GRM7: variants seen among roughly 807,000 people sequenced by gnomAD.
GRM7 encodes the protein glutamate metabotropic receptor 7.
Under a neutral mutation model 84.5 loss-of-function variants are expected in GRM7, and 35 were observed. That is an observed-to-expected ratio of 0.41 (90% CI 0.32 to 0.55). The LOEUF (loss-of-function observed/expected upper bound fraction) is 0.55, where lower values mean the gene tolerates loss of function less well. Among genes scored for constraint, GRM7 ranks in the 20% least tolerant of loss-of-function variants. The probability of loss-of-function intolerance (pLI) is 0.19; values close to 1 mark genes in which losing one functional copy is unlikely to be tolerated. For synonymous variants in GRM7, 487 were observed against 455.1 expected, an observed-to-expected ratio of 1.07 and a Z score of -0.89; for missense variants, 1,003 against 1,194.6, an observed-to-expected ratio of 0.84 and a Z score of 2.36.
intron 1 of GRM7, among the ~76,000 whole-genome samples, chr3:6,910,481 T>C (rs1467711916): frequency 6.6e-6 from 1 of 152,140 alleles, no homozygotes; most frequent in East Asian, 1.9e-4. Flanking sequence ...ACAGGCAGTG[T>C]GCAAGGTTTC....
At chr3:7,140,895 T>C (rs1574953360) in intron 1 of GRM7, among the ~76,000 whole-genome samples, 1 of 152,130 alleles carries the variant, frequency 6.6e-6, no homozygotes, top group African/African-American at 2.4e-5. Flanking sequence ...CTTTGGGCCA[T>C]ATGATCTAGG....
chr3:6,987,581 C>T (rs1439340782), intron 1 of GRM7, among the ~76,000 whole-genome samples: 1 of 152,104 alleles, frequency 6.6e-6, no homozygotes, highest in African/African-American at 2.4e-5. Flanking sequence ...CGTGAGCATT[C>T]AAGGAGCAGA....
chr3:7,000,859 T>A (rs766083576), intron 1 of GRM7, among the ~76,000 whole-genome samples: 3 of 152,256 alleles, frequency 2.0e-5, no homozygotes, highest in East Asian at 3.9e-4. Flanking sequence ...CCAGAGCAAG[T>A]CAGAGGATAG....
intron 4 of GRM7, among the ~76,000 whole-genome samples, chr3:7,379,983 A>T (rs533585880): frequency 1.3e-4 from 20 of 152,318 alleles, no homozygotes; most frequent in African/African-American, 4.3e-4. Context: ...CCTCTGACAG[A>T]TAACCCTGTA....
Position 6,981,095 on chromosome 3 carries a change from C to T in GRM7, c.519+119188C>T, listed in dbSNP as rs143363931. On this transcript the variant is annotated intron_variant, in intron 1 of 9. Transcript: ENST00000357716. The stretch of plus-strand genomic sequence containing the variant: ...AGAATTTTCAGAAGTTTGTAAAATT[C>T]GCAAAGGCCATGGAATGAAGTTCAG... Among the ~76,000 whole-genome samples the T allele has an allele frequency of 8.2e-3, 1,243 of 152,088 alleles. 7 individuals are homozygous for T. Among genetic ancestry groups the T allele is most frequent in the South Asian group, 0.023 (109 of 4,820 alleles).
chr3:7,336,160 C>G (rs1420086719), intron 4 of GRM7, among the ~76,000 whole-genome samples: 1 of 151,964 alleles, frequency 6.6e-6, no homozygotes, highest in South Asian at 2.1e-4. Context: ...TACTTGTGAA[C>G]TGAATCCAAC....
At chr3:7,118,860 C>T (rs1233682069) in intron 1 of GRM7, among the ~76,000 whole-genome samples, 7 of 152,104 alleles carry the variant, frequency 4.6e-5, no homozygotes, top group Non-Finnish European at 1.0e-4. Flanking sequence ...ATATCCTCAC[C>T]TTCCAAAATC....
chr3:6,999,097 G>T (rs1694924762), intron 1 of GRM7, among the ~76,000 whole-genome samples: 1 of 151,972 alleles, frequency 6.6e-6, no homozygotes. Context: ...TGCTCTGCTT[G>T]CTCTTGAACA....
intron 4 of GRM7, among the ~76,000 whole-genome samples, chr3:7,343,937 T>A (rs777311453): frequency 2.0e-5 from 3 of 152,178 alleles, no homozygotes; most frequent in Non-Finnish European, 4.4e-5. Context: ...AGGAGTTTGG[T>A]GCCTGGATGT....
At chr3:7,209,482 CA>C (rs1239185932) in intron 2 of GRM7, among the ~76,000 whole-genome samples, 1 of 152,112 alleles carries the variant, frequency 6.6e-6, no homozygotes, top group East Asian at 1.9e-4. Flanking sequence ...CATCCAGAGA[CA>C]ATGTGCTCTG....
intron 2 of GRM7, among the ~76,000 whole-genome samples, chr3:7,178,256 CATATG>C (rs1436361557): frequency 2.0e-5 from 3 of 152,278 alleles, no homozygotes; most frequent in Admixed American, 1.3e-4. Context: ...TTAGACATAA[CATATG>C]AGATAAAAAT....
chr3:6,912,171 G>A (rs987479981), intron 1 of GRM7, among the ~76,000 whole-genome samples: 30 of 152,100 alleles, frequency 2.0e-4, no homozygotes, highest in African/African-American at 5.3e-4. Context: ...TCAAGTAAAG[G>A]AAAGTAATAA....
intron 7 of GRM7, among the ~76,000 whole-genome samples, chr3:7,463,993 G>T (rs997017923): frequency 6.6e-6 from 1 of 152,186 alleles, no homozygotes; most frequent in Non-Finnish European, 1.5e-5. Context: ...TTCTTTTGCA[G>T]GTGTCTAGCT....
intron 7 of GRM7, among the ~76,000 whole-genome samples, 156 bp downstream of exon 7, chr3:7,461,878 A>T (rs1278235850): frequency 6.6e-6 from 1 of 152,220 alleles, no homozygotes; most frequent in East Asian, 1.9e-4. Flanking sequence ...ATATCCAATA[A>T]TAATGATGGT....
chr3:7,065,749 A>C (rs780267583), intron 1 of GRM7, among the ~76,000 whole-genome samples: 1 of 151,690 alleles, frequency 6.6e-6, no homozygotes, highest in Non-Finnish European at 1.5e-5. Flanking sequence ...CTTCAGATGG[A>C]GATTGCATTG....
intron 2 of GRM7, among the ~76,000 whole-genome samples, chr3:7,157,339 A>C (rs1177163369): frequency 6.6e-6 from 1 of 152,202 alleles, no homozygotes; most frequent in Non-Finnish European, 1.5e-5. Context: ...GGGAGAAATG[A>C]TAAACACACA....
intron 4 of GRM7, among the ~76,000 whole-genome samples, chr3:7,404,405 A>G (rs986498836): frequency 1.3e-5 from 2 of 152,216 alleles, no homozygotes; most frequent in African/African-American, 4.8e-5. Flanking sequence ...CTAGTTAATT[A>G]GGCTGACAGC....
intron 8 of GRM7, among the ~76,000 whole-genome samples, chr3:7,597,588 C>T (rs1696110219): frequency 6.6e-6 from 1 of 152,064 alleles, no homozygotes; most frequent in African/African-American, 2.4e-5. Context: ...ATCCTGGGGT[C>T]ATTGTGCACG....
chr3:7,661,015 G>A (rs1223499100), intron 8 of GRM7, among the ~76,000 whole-genome samples: 2 of 152,142 alleles, frequency 1.3e-5, no homozygotes, highest in African/African-American at 4.8e-5. Flanking sequence ...AAAACTTCCA[G>A]AATAGAAGAA....
Sources: gnomAD v4.1 joint callset for allele counts (sites outside exome capture counted in the v4.1 genomes callset) on GRCh38, gnomAD v4.1.1 for gene constraint, MANE v1.5 for transcripts, NCBI Gene and HGNC (gene_info 2026-07-23, HGNC 2026-07-21) for gene names.